SPHKAP: variants seen among roughly 807,000 people sequenced by gnomAD.
The protein encoded by SPHKAP is SPHK1 interactor, AKAP domain containing, also known as A-kinase anchor protein SPHKAP.
Under a neutral mutation model 137.5 loss-of-function variants are expected in SPHKAP, and 67 were observed. The ratio of observed to expected loss-of-function variants is 0.49; its 90% CI spans 0.40 to 0.60. The LOEUF (loss-of-function observed/expected upper bound fraction) is 0.60. Ranked by LOEUF, SPHKAP falls within the 20% of genes least tolerant of loss-of-function variation. The pLI is 0.00. For synonymous variants in SPHKAP, 813 were observed against 785.3 expected (o/e 1.04, Z -0.59); for missense variants, 2,097 against 2,069.3 (o/e 1.01, Z -0.26).
At chr2:228,012,564 A>C (rs1300365398) in intron 7 of SPHKAP, among the ~76,000 whole-genome samples, 1 of 152,086 alleles carries the variant, frequency 6.6e-6, no homozygotes, top group Non-Finnish European at 1.5e-5. Flanking sequence ...ACTGTACAAT[A>C]ATATTTTTTT....
At chr2:228,004,497 C>A (rs1003148105) in intron 7 of SPHKAP, among the ~76,000 whole-genome samples, 6 of 152,062 alleles carry the variant, frequency 3.9e-5, no homozygotes, top group Non-Finnish European at 8.8e-5. Context: ...TTGATCTTTT[C>A]AAAAAATCAG....
In SPHKAP at chr2:228,169,598, G is replaced by A. The variant is rs769530015; in HGVS notation, c.32+11969C>T. ...CAAAATGTTACTGCTCATTGACAAT[G>A]TACCTTGTCACCCAAGAGCTCTGAT... On this transcript the variant is annotated intron_variant, in intron 1 of 11. Transcript: ENST00000392056. The A allele has an allele frequency of 5.9e-5, 9 of 152,146 alleles. No homozygotes were observed. In the East Asian group the frequency reaches 1.5e-3, roughly 26 times the overall value. 9.4% of individuals were successfully genotyped at this position (152,146 alleles called of 1,614,324 possible).
chr2:228,019,180 C>A lies in SPHKAP; in HGVS notation c.1674G>T (p.Leu558Phe), dbSNP rs766787244. ...CACTGGCCACCTGAGTCATGCCACA[C>A]AAAGCAGATGGAAAGGAGTACTCAT... ...SINEYSFPSA[L>F]CGMTQVASAV... The change falls in exon 7 of 12, where the codon TTG becomes TTT. Residue 558 changes from leucine to phenylalanine, a missense_variant. By Grantham distance (22) the Leu-to-Phe change is conservative. Coordinates refer to ENST00000392056, the MANE Select transcript of SPHKAP (RefSeq NM_001142644.2). 3 of 1,613,754 alleles carry A rather than the reference C, an allele frequency of 1.9e-6. No homozygotes were observed. In the Admixed American group the frequency reaches 5.0e-5, roughly 27 times the overall value.
chr2:228,010,500 C>T (rs531017396), intron 7 of SPHKAP, among the ~76,000 whole-genome samples: 57 of 152,300 alleles, frequency 3.7e-4, no homozygotes, highest in Middle Eastern at 3.4e-3. Flanking sequence ...CCACTGCACT[C>T]TAGCCTGGGT....
Position 228,025,375 on chromosome 2 carries a change from T to C in SPHKAP, c.441+19A>G. 1.2e-6 allele frequency: 2 copies of C among 1,613,294 alleles called. No homozygotes were observed. Among genetic ancestry groups the C allele is most frequent in the Non-Finnish European group, 1.7e-6 (2 of 1,179,656 alleles). ...ACTATAGATGTAAGTAAATGGCTTA[T>C]CAAGAACTTATGTCTTACCTGTGAA... is the stretch of plus-strand genomic sequence containing the variant. On this transcript the variant is annotated intron_variant, in intron 5 of 11. Coordinates refer to ENST00000392056, the MANE Select transcript of SPHKAP (RefSeq NM_001142644.2).
At chr2:228,164,730 A>G (rs1700371408) in intron 1 of SPHKAP, among the ~76,000 whole-genome samples, 1 of 152,084 alleles carries the variant, frequency 6.6e-6, no homozygotes, top group African/African-American at 2.4e-5. Flanking sequence ...CCTGTACTTC[A>G]GGCACACACC....
At chr2:228,107,850 A>C (rs1478980259) in intron 3 of SPHKAP, among the ~76,000 whole-genome samples, 1 of 152,212 alleles carries the variant, frequency 6.6e-6, no homozygotes, top group East Asian at 1.9e-4. Flanking sequence ...ACAAGGGATC[A>C]AAAGTACGAA....
At chr2:228,083,007 C>A (rs900715234) in intron 3 of SPHKAP, among the ~76,000 whole-genome samples, 7 of 152,146 alleles carry the variant, frequency 4.6e-5, no homozygotes, top group Admixed American at 4.6e-4. Flanking sequence ...TCTGTTTGAA[C>A]AATTTCTTTA....
chr2:228,104,310 TTAA>T (rs1698271934), intron 3 of SPHKAP, among the ~76,000 whole-genome samples: 5 of 144,074 alleles, frequency 3.5e-5, no homozygotes, highest in Admixed American at 1.4e-4. Flanking sequence ...TATAATAATA[TTAA>T]TAATATAATA....
At chr2:227,999,279 C>T (rs1322397694) in intron 7 of SPHKAP, among the ~76,000 whole-genome samples, 1 of 152,012 alleles carries the variant, frequency 6.6e-6, no homozygotes, top group African/African-American at 2.4e-5. Context: ...AAGGTCCTTG[C>T]TTGGTTTTTC....
intron 2 of SPHKAP, among the ~76,000 whole-genome samples, chr2:228,118,185 T>C (rs910801048): frequency 3.3e-5 from 5 of 151,648 alleles, no homozygotes; most frequent in Admixed American, 3.3e-4. Context: ...TATGCATGAG[T>C]AGTCACTTGT....
In SPHKAP at chr2:228,077,135, C is replaced by T. The variant is rs192776860; in HGVS notation, c.246+31697G>A. 2.1e-3 allele frequency among the ~76,000 whole-genome samples: 323 copies of T among 152,298 alleles called. 1 individual carries two copies. Among genetic ancestry groups the T allele is most frequent in the Non-Finnish European group, 3.3e-3 (223 of 68,032 alleles). On this transcript the variant is annotated intron_variant, in intron 3 of 11. Transcript: ENST00000392056. ...AAGTCAAGAATTGAGGTTTGGGAAC[C>T]TCCGCTTAGATTTCAGATGTATGTT...
intron 7 of SPHKAP, among the ~76,000 whole-genome samples, chr2:228,007,456 T>C (rs1694185609): frequency 6.6e-6 from 1 of 152,124 alleles, no homozygotes; most frequent in South Asian, 2.1e-4. Flanking sequence ...GACTAGAATT[T>C]TCCTTTCTCT....
At chr2:227,983,981 A>G (rs1170771235) in intron 11 of SPHKAP, among the ~76,000 whole-genome samples, 6 of 151,984 alleles carry the variant, frequency 3.9e-5, no homozygotes, top group African/African-American at 1.4e-4. Flanking sequence ...GGGCCAGCTC[A>G]TTCACTCCCA....
intron 3 of SPHKAP, among the ~76,000 whole-genome samples, chr2:228,079,263 G>T (rs1308072665): frequency 6.6e-6 from 1 of 152,164 alleles, no homozygotes; most frequent in Non-Finnish European, 1.5e-5. Flanking sequence ...TGTTGCTGCT[G>T]ATCTGACAGG....
intron 9 of SPHKAP, among the ~76,000 whole-genome samples, chr2:227,993,033 A>T (rs1187405489): frequency 6.6e-6 from 1 of 152,186 alleles, no homozygotes; most frequent in Non-Finnish European, 1.5e-5. Context: ...CTTCTTAAGG[A>T]AGTCCCCATA....
chr2:228,153,069 A>G (rs1055869223), intron 1 of SPHKAP, among the ~76,000 whole-genome samples: 1 of 152,052 alleles, frequency 6.6e-6, no homozygotes, highest in Non-Finnish European at 1.5e-5. Flanking sequence ...GCCATGTAAG[A>G]TGTGCCTTTC....
chr2:228,136,303 T>C (rs2106380882), intron 1 of SPHKAP, among the ~76,000 whole-genome samples: 1 of 152,290 alleles, frequency 6.6e-6, no homozygotes, highest in South Asian at 2.1e-4. Flanking sequence ...GCTGAAACCG[T>C]TAAGTGTGTT....
intron 7 of SPHKAP, among the ~76,000 whole-genome samples, chr2:228,006,185 T>C (rs1446410449): frequency 6.6e-6 from 1 of 152,190 alleles, no homozygotes; most frequent in Middle Eastern, 3.2e-3. Context: ...ACCAATCCGA[T>C]GTAGATTTGT....
Sources: gnomAD v4.1 joint callset for allele counts (sites outside exome capture counted in the v4.1 genomes callset) on GRCh38, gnomAD v4.1.1 for gene constraint, MANE v1.5 for transcripts, NCBI Gene and HGNC (gene_info 2026-07-23, HGNC 2026-07-21) for gene names.